The following NR2F6 variants were observed in gnomAD, a reference collection of about 807,000 sequenced individuals.
The protein encoded by NR2F6 is ERBA-related gene-2.
Under a neutral mutation model 26.5 loss-of-function variants are expected in NR2F6, and 16 were observed. The observed-to-expected ratio is 0.60, with a 90% CI of 0.41 to 0.92. The LOEUF (loss-of-function observed/expected upper bound fraction) is 0.92, where lower values mean the gene tolerates loss of function less well. Among genes scored for constraint, NR2F6 ranks in the 40% least tolerant of loss-of-function variants. The pLI is 0.00. For synonymous variants in NR2F6, 325 were observed against 305.0 expected (o/e 1.07, Z -0.68); for missense variants, 536 against 631.7 (o/e 0.85, Z 1.62).
intron 1 of NR2F6, among the ~76,000 whole-genome samples, chr19:17,242,230 A>T (rs1456305981): frequency 6.6e-6 from 1 of 152,190 alleles, no homozygotes; most frequent in African/African-American, 2.4e-5. Flanking sequence ...AGGCAGGAGA[A>T]CCGCTTGAAC....
chr19:17,235,872 C>A lies in NR2F6; in HGVS notation c.567G>T (p.Gly189=), dbSNP rs1205278899. ...CCAGCACCGCGCCCGCCGCGCCGCCCCCTGCGCCGAAGCGTCCGGCCGCCG... is the reference window on the plus strand; with the variant it reads ...CCAGCACCGCGCCCGCCGCGCCGCCACCTGCGCCGAAGCGTCCGGCCGCCG... ...YPAAAGRFGA[G]GGAAGAVLGI... is the part of the protein sequence containing the mutation. The change falls in exon 3 of 4, where the codon GGG becomes GGT. Residue 189 remains glycine, a synonymous_variant. Coordinates refer to ENST00000291442, the MANE Select transcript of NR2F6 (RefSeq NM_005234.4). This position sits in a 1 kb window ranked among gnomAD's most constrained non-coding sequence, Gnocchi z 5.0. 2.0e-6 allele frequency: 3 copies of A among 1,465,226 alleles called. No individual in the cohort carries two copies. The Admixed American group carries it at 7.6e-5, about 37-fold the overall frequency. The allele number at this position is 1,465,226 out of a possible 1,614,324, so 90.8% of individuals were successfully genotyped here. A position where few individuals can be genotyped will look rare whatever the true frequency, so the allele number is the denominator to read the frequency against.
In NR2F6 at chr19:17,245,173, G is replaced by A. The variant is rs1037930033; in HGVS notation, c.48C>T (p.Asn16=). The part of the protein sequence containing the change: ...GGWGGPGGDT[N]GVDKAGGYPR... ...GGTAGCCGCCCGCCTTGTCCACGCC[G>A]TTCGTGTCGCCGCCGGGGCCGCCCC... is the stretch of plus-strand genomic sequence containing the variant. Residue 16 remains asparagine, a synonymous_variant, in exon 1 of 4, where the codon AAC becomes AAT. Coordinates refer to ENST00000291442, the MANE Select transcript of NR2F6 (RefSeq NM_005234.4). The surrounding 1 kb of genome is among the most constrained non-coding windows in gnomAD (Gnocchi z 5.0). 1 of 1,406,286 alleles carries A rather than the reference G, an allele frequency of 7.1e-7. No homozygotes were observed. Among genetic ancestry groups the A allele is most frequent in the Non-Finnish European group, 9.3e-7 (1 of 1,077,846 alleles). 87.1% of individuals were successfully genotyped at this position (1,406,286 alleles called of 1,614,324 possible).
Position 17,240,725 on chromosome 19 carries a change from G to A in NR2F6, c.319C>T (p.Gln107Ter). Reference sequence around the variant, plus strand: ...TTCTTGAGACGGCAGTACTGGCACTGGTTCCGGTGGTGCTGGTCGATCTGG... The same window carrying A: ...TTCTTGAGACGGCAGTACTGGCACTAGTTCCGGTGGTGCTGGTCGATCTGG... Reference protein sequence around the residue: ...DCQIDQHHRNQCQYCRLKKCF... With the variant: ...DCQIDQHHRN Residue 107 changes from glutamine to a stop codon, truncating the protein, a stop_gained, in exon 2 of 4, where the codon CAG (glutamine) becomes TAG (stop). Coordinates refer to ENST00000291442, the MANE Select transcript of NR2F6 (RefSeq NM_005234.4). LOFTEE classifies it high-confidence loss of function. 6.2e-7 allele frequency: 1 copy of A among 1,614,194 alleles called. No homozygotes were observed. The highest frequency in any genetic ancestry group is 8.5e-7 in the Non-Finnish European group (1 of 1,180,030).
chr19:17,244,621 A>T (rs1599458410), intron 1 of NR2F6: 1 of 291,142 alleles, frequency 3.4e-6, no homozygotes, highest in African/African-American at 2.3e-5. Flanking sequence ...TTGGGTTACC[A>T]CCCCTGACAG....
At position 17,245,237 on chromosome 19, in the gene NR2F6, G is replaced by A; in HGVS notation, c.-17C>T. 2.4e-6 allele frequency: 3 copies of A among 1,249,068 alleles called. No individual in the cohort carries two copies. The highest frequency in any genetic ancestry group is 3.0e-5 in the South Asian group (1 of 33,352). 77.4% of individuals were successfully genotyped at this position (1,249,068 alleles called of 1,614,324 possible). On this transcript the variant is annotated 5_prime_UTR_variant, in exon 1 of 4. Coordinates refer to ENST00000291442, the MANE Select transcript of NR2F6 (RefSeq NM_005234.4). This position sits in a 1 kb window ranked among gnomAD's most constrained non-coding sequence, Gnocchi z 5.0. The stretch of plus-strand genomic sequence containing the variant: ...CATGGCCATAGCCCCAGGGCAGCGG[G>A]GCCGGGGCGCCCCCACCGCGCTCTT...
rs940820449 is a variant in NR2F6 at position 17,235,315 on chromosome 19, G to T, written c.940+184C>A. 6.6e-6 allele frequency among the ~76,000 whole-genome samples: 1 copy of T among 152,212 alleles called. No individual in the cohort carries two copies. The highest frequency in any genetic ancestry group is 1.5e-5 in the Non-Finnish European group (1 of 68,032). ...GGGATCACGGAGTGGGGGTGTCACAGTGTCACACTGCTTACATCACCCCTC... is the reference window on the plus strand; with the variant it reads ...GGGATCACGGAGTGGGGGTGTCACATTGTCACACTGCTTACATCACCCCTC... On this transcript the variant is annotated intron_variant, in intron 3 of 3. Transcript: ENST00000291442. The surrounding 1 kb of genome is among the most constrained non-coding windows in gnomAD (Gnocchi z 5.0).
chr19:17,241,601 T>C (rs1042203814), intron 1 of NR2F6, among the ~76,000 whole-genome samples: 2 of 152,206 alleles, frequency 1.3e-5, no homozygotes, highest in Non-Finnish European at 1.5e-5. Context: ...ACTCCCCTGG[T>C]CTCTTGCCAC....
rs1315422422 is a variant in NR2F6 at position 17,232,392 on chromosome 19, G to A, written c.1175C>T (p.Ser392Leu). ...IETLIRDMLL[S>L]GSTFNWPYGS... ...GTAGGGCCAGTTGAAGGTACTCCCC[G>A]ACAGCAGCATGTCTCTGATCAGTGT... is the stretch of plus-strand genomic sequence containing the variant. The change falls in exon 4 of 4, where the codon TCG (serine) becomes TTG (leucine). Residue 392 changes from serine to leucine, a missense_variant. Coordinates refer to ENST00000291442, the MANE Select transcript of NR2F6 (RefSeq NM_005234.4). 1.2e-6 allele frequency: 2 copies of A among 1,613,952 alleles called. No individual in the cohort carries two copies. The highest frequency in any genetic ancestry group is 1.3e-5 in the African/African-American group (1 of 74,934).
chr19:17,232,618 C>A lies in NR2F6; in HGVS notation c.949G>T (p.Gly317Cys), dbSNP rs894872591. Residue 317 changes from glycine (G) to cysteine (C), a missense_variant, in exon 4 of 4, where the codon GGC (glycine) becomes TGC (cysteine). Coordinates refer to ENST00000291442, the MANE Select transcript of NR2F6 (RefSeq NM_005234.4). ...AIALFTPDACGLSDPAHVESL... is the reference protein window; with the variant it reads ...AIALFTPDACCLSDPAHVESL... ...TCAACGTGGGCCGGGTCTGAGAGGC[C>A]ACAGGCGTCTAGGGGGACAAAGGCA... 6.5e-7 allele frequency: 1 copy of A among 1,542,670 alleles called. No individual in the cohort carries two copies. Among genetic ancestry groups the A allele is most frequent in the African/African-American group, 1.4e-5 (1 of 73,032 alleles).
rs1048305778 is a variant in NR2F6, at chr19:17,232,232, A to G, written c.*120T>C. 2 of 1,314,264 alleles carry G rather than the reference A, an allele frequency of 1.5e-6. No homozygotes were observed. The highest frequency in any genetic ancestry group is 2.1e-6 in the Non-Finnish European group (2 of 956,734). 81.4% of individuals were successfully genotyped at this position (1,314,264 alleles called of 1,614,324 possible). A position where few individuals can be genotyped will look rare whatever the true frequency, so the allele number is the denominator to read the frequency against. ...AAACATTTCACAGTCTTTAAAAAAT[A>G]GAAGTCTGAGGAGAGAAGCCAGAGT... On this transcript the variant is annotated 3_prime_UTR_variant, in exon 4 of 4. Coordinates refer to ENST00000291442, the MANE Select transcript of NR2F6 (RefSeq NM_005234.4).
At position 17,241,784 on chromosome 19, in the gene NR2F6, G is replaced by A. The variant is rs145873260; in HGVS notation, c.279-1019C>T. ...CTGTAATCCCAGCACTTTGGGAGGCGGGGGAGGGTGGATCACCTGAGGTCA... is the reference window on the plus strand; with the variant it reads ...CTGTAATCCCAGCACTTTGGGAGGCAGGGGAGGGTGGATCACCTGAGGTCA... On this transcript the variant is annotated intron_variant, in intron 1 of 3. Coordinates refer to ENST00000291442, the MANE Select transcript of NR2F6 (RefSeq NM_005234.4). 3.5e-3 allele frequency among the ~76,000 whole-genome samples: 528 copies of A among 150,732 alleles called. 8 individuals carry two copies. Among genetic ancestry groups the A allele is most frequent in the East Asian group, 0.034 (173 of 5,066 alleles).
chr19:17,244,271 C>G (rs1159801843), intron 1 of NR2F6: 1 of 152,570 alleles, frequency 6.6e-6, no homozygotes, highest in Non-Finnish European at 1.5e-5. Context: ...TTCCGGTGGC[C>G]CTGCCGGCCT....
intron 3 of NR2F6, among the ~76,000 whole-genome samples, chr19:17,233,888 T>C (rs2073421528): frequency 6.6e-6 from 1 of 151,958 alleles, no homozygotes; most frequent in Non-Finnish European, 1.5e-5. Flanking sequence ...TGTGAGAGAA[T>C]GTGGCAGCCT....
rs896307827 is a variant in NR2F6, at chr19:17,241,314, C to T, written c.279-549G>A. On this transcript the variant is annotated intron_variant, in intron 1 of 3. Transcript: ENST00000291442. Reference sequence around the variant, plus strand: ...AGCATTATCACCCGCACAATGCCCACCCCAAGGAATGAGGAAGTAAACAAA... The same window carrying T: ...AGCATTATCACCCGCACAATGCCCATCCCAAGGAATGAGGAAGTAAACAAA... Among the ~76,000 whole-genome samples, 189 of 144,336 alleles carry T rather than the reference C, an allele frequency of 1.3e-3. 1 individual carries two copies. Among genetic ancestry groups the T allele is most frequent in the Admixed American group, 0.013 (186 of 14,522 alleles). 94.7% of individuals were successfully genotyped at this position (144,336 alleles called of 152,430 possible).
At position 17,235,901 on chromosome 19, in the gene NR2F6, G is replaced by C. The variant is rs1021323979; in HGVS notation, c.538C>G (p.Pro180Ala). 1.4e-6 allele frequency: 2 copies of C among 1,474,564 alleles called. No homozygotes were observed. Among genetic ancestry groups the C allele is most frequent in the Non-Finnish European group, 1.8e-6 (2 of 1,120,128 alleles). 91.3% of individuals were successfully genotyped at this position (1,474,564 alleles called of 1,614,324 possible). A position where few individuals can be genotyped will look rare whatever the true frequency, so the allele number is the denominator to read the frequency against. ...IAQLLRAEPYPAAAGRFGAGG... is the reference protein window; with the variant it reads ...IAQLLRAEPYAAAAGRFGAGG... ...GCGCCGAAGCGTCCGGCCGCCGCAG[G>C]GTAGGGCTCAGCGCGCAGCAGCTGC... Residue 180 changes from proline to alanine, a missense_variant, in exon 3 of 4, where the codon CCT becomes GCT. Physicochemically the swap from Pro to Ala is conservative, Grantham distance 27. Transcript: ENST00000291442. This position sits in a 1 kb window ranked among gnomAD's most constrained non-coding sequence, Gnocchi z 5.0.
chr19:17,232,916 G>A (rs2073415839), intron 3 of NR2F6, among the ~76,000 whole-genome samples: 1 of 152,224 alleles, frequency 6.6e-6, no homozygotes, highest in South Asian at 2.1e-4. Flanking sequence ...GGGAGGCTGA[G>A]GCAGGTGGAT....
intron 2 of NR2F6, among the ~76,000 whole-genome samples, chr19:17,238,272 G>A (rs1453746370): frequency 6.6e-6 from 1 of 152,234 alleles, no homozygotes; most frequent in Non-Finnish European, 1.5e-5. Context: ...CCCTGGTCTA[G>A]GCGCTGGGGA....
In NR2F6 at chr19:17,232,486, G is replaced by A; in HGVS notation, c.1081C>T (p.Arg361Cys). 1.9e-6 allele frequency: 3 copies of A among 1,611,934 alleles called. No homozygotes were observed. The highest frequency in any genetic ancestry group is 2.5e-6 in the Non-Finnish European group (3 of 1,179,394). Residue 361 changes from arginine to cysteine, a missense_variant, in exon 4 of 4, where the codon CGC becomes TGC. Physicochemically the swap from Arg to Cys is radical, Grantham distance 180. Transcript: ENST00000291442. The part of the protein sequence containing the change: ...GRLLLRLPAL[R>C]AVPASLISQL... ...GAGATGAGGGAGGCAGGGACCGCGC[G>A]CAGGGCGGGGAGCCGCAGCAGCAGG... is the stretch of plus-strand genomic sequence containing the variant.
At position 17,240,690 on chromosome 19, in the gene NR2F6, C is replaced by T. The variant is rs1309263127; in HGVS notation, c.354G>A (p.Arg118=). ...CQYCRLKKCF[R]VGMRKEAVQR... ...ACTCACCCTCCTTCCTCATGCCCAC[C>T]CGGAAGCACTTCTTGAGACGGCAGT... The change falls in exon 2 of 4, where the codon CGG becomes CGA. Residue 118 remains arginine (R), a synonymous_variant. Coordinates refer to ENST00000291442, the MANE Select transcript of NR2F6 (RefSeq NM_005234.4). 1.9e-6 allele frequency: 3 copies of T among 1,614,204 alleles called. No individual in the cohort carries two copies. Among genetic ancestry groups the T allele is most frequent in the Non-Finnish European group, 1.7e-6 (2 of 1,180,028 alleles).
Sources: gnomAD v4.1 joint callset for allele counts (sites outside exome capture counted in the v4.1 genomes callset) on GRCh38, gnomAD v4.1.1 for gene constraint, Gnocchi (gnomAD v3.1) non-coding constraint, MANE v1.5 for transcripts, NCBI Gene and HGNC (gene_info 2026-07-23, HGNC 2026-07-21) for gene names.